The following RPS6KB1 variants were observed in gnomAD, a reference collection of about 807,000 sequenced individuals.
The protein encoded by RPS6KB1 is ribosomal protein S6 kinase beta-1.
Under a neutral mutation model 70.2 loss-of-function variants are expected in RPS6KB1, and 12 were observed. The observed-to-expected ratio is 0.17, with a 90% CI of 0.11 to 0.28. RPS6KB1 has a LOEUF of 0.28. Ranked by LOEUF, RPS6KB1 falls within the 10% of genes least tolerant of loss-of-function variation. The pLI, the probability that RPS6KB1 is intolerant of heterozygous loss-of-function variation, is 1.00. For missense variants in RPS6KB1, 270 were observed against 646.6 expected (o/e 0.42, Z 6.32); for synonymous variants, 175 against 211.2 (o/e 0.83, Z 1.49).
At chr17:59,911,706 A>C (rs886090948) in intron 2 of RPS6KB1, among the ~76,000 whole-genome samples, 2 of 151,816 alleles carry the variant, frequency 1.3e-5, no homozygotes, top group Non-Finnish European at 2.9e-5. Context: ...CACCACGCCC[A>C]GCTAATTTTT....
At position 59,902,985 on chromosome 17, in the gene RPS6KB1, G is replaced by A. The variant is rs112227095; in HGVS notation, c.142-7577G>A. On this transcript the variant is annotated intron_variant, in intron 1 of 14. Coordinates refer to ENST00000225577, the MANE Select transcript of RPS6KB1 (RefSeq NM_003161.4). ...CGCTGGAGTCCAGGAATTCCAGACC[G>A]GCCTGGGCAACGTGATGAAACCTGT... Among the ~76,000 whole-genome samples, 65 of 152,060 alleles carry A rather than the reference G, an allele frequency of 4.3e-4. 1 individual carries two copies. Among genetic ancestry groups the A allele is most frequent in the African/African-American group, 1.6e-3 (65 of 41,508 alleles).
intron 4 of RPS6KB1, among the ~76,000 whole-genome samples, chr17:59,917,855 A>C (rs2043046742): frequency 6.6e-6 from 1 of 152,106 alleles, no homozygotes. Context: ...AATTAGTTGG[A>C]TGTTGGATCT....
chr17:59,914,482 A>G (rs560026472), intron 3 of RPS6KB1, among the ~76,000 whole-genome samples, 153 bp from the exon 4 acceptor site: 1 of 152,318 alleles, frequency 6.6e-6, no homozygotes, highest in Admixed American at 6.5e-5. Flanking sequence ...GAAAGTCATG[A>G]TCATTAATGT....
intron 1 of RPS6KB1, among the ~76,000 whole-genome samples, chr17:59,905,429 A>G (rs1169966405): frequency 6.6e-6 from 1 of 151,878 alleles, no homozygotes; most frequent in Non-Finnish European, 1.5e-5. Context: ...AGAAACTATT[A>G]CTTTCCCCAG....
chr17:59,940,391 A>G (rs1259003901), intron 12 of RPS6KB1, among the ~76,000 whole-genome samples: 5 of 147,286 alleles, frequency 3.4e-5, no homozygotes, highest in Admixed American at 7.1e-5. Context: ...GGTTCAAGCA[A>G]TTCTCCTGCC....
chr17:59,914,830 C>A (rs1386917790), intron 4 of RPS6KB1, 127 bp downstream of exon 4: 3 of 743,710 alleles, frequency 4.0e-6, no homozygotes, highest in Non-Finnish European at 6.7e-6. Flanking sequence ...AATTTGCAGT[C>A]AAAAAAATGT....
chr17:59,945,568 A>ACC, intron 14 of RPS6KB1, 50 bp downstream of exon 14: 1 of 975,858 alleles, frequency 1.0e-6, no homozygotes, highest in Non-Finnish European at 1.6e-6. Context: ...ACAACCTACA[A>ACC]GAGTGTTTGC....
intron 1 of RPS6KB1, among the ~76,000 whole-genome samples, chr17:59,905,856 C>A (rs2042235671): frequency 6.6e-6 from 1 of 150,606 alleles, no homozygotes; most frequent in Non-Finnish European, 1.5e-5. Flanking sequence ...GAATCTTGCT[C>A]TGTTGCCCAG....
At chr17:59,923,441 C>T (rs1356027209) in intron 4 of RPS6KB1, among the ~76,000 whole-genome samples, 1 of 152,112 alleles carries the variant, frequency 6.6e-6, no homozygotes. Flanking sequence ...GATCCGCCTG[C>T]CTCGGTTTCC....
rs151264411 is a variant in RPS6KB1 at position 59,899,539 on chromosome 17, A to T, written c.141+6214A>T. 2.9e-3 allele frequency among the ~76,000 whole-genome samples: 441 copies of T among 152,310 alleles called. 3 individuals are homozygous for T. The highest frequency in any genetic ancestry group is 0.01 in the African/African-American group (425 of 41,574). ...TAAAACTAACATTAAAGAAAAAACA[A>T]TTATGTAATACCAGTTTTATCACAT... On this transcript the variant is annotated intron_variant, in intron 1 of 14. Coordinates refer to ENST00000225577, the MANE Select transcript of RPS6KB1 (RefSeq NM_003161.4).
chr17:59,905,526 C>T (rs931676135), intron 1 of RPS6KB1, among the ~76,000 whole-genome samples: 4 of 147,694 alleles, frequency 2.7e-5, no homozygotes, highest in African/African-American at 1.0e-4. Context: ...TTTTTTGAGA[C>T]GGAGTTTTGC....
intron 1 of RPS6KB1, among the ~76,000 whole-genome samples, chr17:59,897,716 CAG>C (rs1172667683): frequency 6.6e-6 from 1 of 152,118 alleles, no homozygotes; most frequent in Non-Finnish European, 1.5e-5. Context: ...CCTGTAATCC[CAG>C]CACTTTGGGA....
In RPS6KB1 at chr17:59,930,618, T is replaced by TA. The variant is rs1475003765; in HGVS notation, c.587+445dup. Among the ~76,000 whole-genome samples, 6 of 152,290 alleles carry TA rather than the reference T, an allele frequency of 3.9e-5. No homozygotes were observed. The East Asian group carries it at 1.2e-3, about 29-fold the overall frequency. ...TTGATTATGTAGTCAGGGTGGGATTTACCCTCCTATTTCTAAACATGTCAT... is the reference window on the plus strand; with the variant it reads ...TTGATTATGTAGTCAGGGTGGGATTTAACCCTCCTATTTCTAAACATGTCAT... On this transcript the variant is annotated intron_variant, in intron 6 of 14. Coordinates refer to ENST00000225577, the MANE Select transcript of RPS6KB1 (RefSeq NM_003161.4).
Position 59,946,467 on chromosome 17 carries a change from C to T in RPS6KB1, c.1341-84C>T. ...TAAATGAAAATAAATGTCATGTTAC[C>T]CCACTCCCTTTAAACGTAAAGGAAA... On this transcript the variant is annotated intron_variant, in intron 14 of 14. Coordinates refer to ENST00000225577, the MANE Select transcript of RPS6KB1 (RefSeq NM_003161.4). This position sits in a 1 kb window ranked among gnomAD's most constrained non-coding sequence, Gnocchi z 4.2. The T allele has an allele frequency of 2.0e-6, 2 of 1,018,818 alleles. No homozygotes were observed. The highest frequency in any genetic ancestry group is 3.0e-6 in the Non-Finnish European group (2 of 660,498). The allele number at this position is 1,018,818 out of a possible 1,614,324, so 63.1% of individuals were successfully genotyped here.
chr17:59,895,511 T>TG (rs2041496416), intron 1 of RPS6KB1, among the ~76,000 whole-genome samples: 2 of 151,138 alleles, frequency 1.3e-5, no homozygotes, highest in Non-Finnish European at 2.9e-5. Flanking sequence ...TTAGTAGAGA[T>TG]GGGGTTTCAC....
chr17:59,934,588 C>T lies in RPS6KB1; in HGVS notation c.870+64C>T, dbSNP rs2044128416. ...GTGCTGAGTCACTATAGCAAGAGAC[C>T]TGTCCTGTGCTTTCTGAACATGTTA... On this transcript the variant is annotated intron_variant, in intron 9 of 14. Coordinates refer to ENST00000225577, the MANE Select transcript of RPS6KB1 (RefSeq NM_003161.4). This position sits in a 1 kb window ranked among gnomAD's most constrained non-coding sequence, Gnocchi z 4.8. The T allele has an allele frequency of 8.3e-7, 1 of 1,209,908 alleles. No homozygotes were observed. The highest frequency in any genetic ancestry group is 1.2e-6 in the Non-Finnish European group (1 of 829,240). The allele number at this position is 1,209,908 out of a possible 1,614,324, so 74.9% of individuals were successfully genotyped here.
At chr17:59,925,649 C>T (rs2043561800) in intron 4 of RPS6KB1, among the ~76,000 whole-genome samples, 1 of 152,154 alleles carries the variant, frequency 6.6e-6, no homozygotes, top group Non-Finnish European at 1.5e-5. Flanking sequence ...CCTTCCTTTG[C>T]CCAGACGTTC....
intron 1 of RPS6KB1, among the ~76,000 whole-genome samples, chr17:59,906,595 C>T (rs550355218): frequency 2.0e-5 from 3 of 152,040 alleles, no homozygotes; most frequent in South Asian, 2.1e-4. Context: ...CTCCTGACCT[C>T]GAGTAATCCA....
intron 4 of RPS6KB1, among the ~76,000 whole-genome samples, chr17:59,925,033 G>A (rs189759966): frequency 9.0e-4 from 137 of 151,942 alleles, no homozygotes; most frequent in African/African-American, 3.1e-3. Flanking sequence ...GCGTTTCACC[G>A]TGTTAGCCAG....
Sources: gnomAD v4.1 joint callset for allele counts (sites outside exome capture counted in the v4.1 genomes callset) on GRCh38, gnomAD v4.1.1 for gene constraint, Gnocchi (gnomAD v3.1) non-coding constraint, MANE v1.5 for transcripts, NCBI Gene and HGNC (gene_info 2026-07-23, HGNC 2026-07-21) for gene names.